BDH2: variants seen among roughly 807,000 people sequenced by gnomAD.
BDH2 encodes 3-hydroxybutyrate dehydrogenase 2, also known as dehydrogenase/reductase SDR family member 6.
In BDH2, 24 loss-of-function variants were observed where a neutral mutation model predicts 33.2. The ratio of observed to expected loss-of-function variants is 0.72; its 90% CI spans 0.52 to 1.02. BDH2 has a LOEUF of 1.02. BDH2 is among the 50% of genes least tolerant of loss of function. BDH2 has a pLI of 0.00. For synonymous variants in BDH2, 81 were observed against 101.6 expected (o/e 0.80, Z 1.22); for missense variants, 249 against 301.6 (o/e 0.83, Z 1.29).
intron 5 of BDH2, among the ~76,000 whole-genome samples, chr4:103,087,128 A>G (rs966476852): frequency 2.6e-5 from 4 of 152,164 alleles, no homozygotes; most frequent in African/African-American, 9.7e-5. Flanking sequence ...TTTGAACACT[A>G]GAGTATTAGT....
Position 103,078,106 on chromosome 4 carries a change from C to G in BDH2, c.*1596G>C, listed in dbSNP as rs1334418709. Among the ~76,000 whole-genome samples, 1 of 152,164 alleles carries G rather than the reference C, an allele frequency of 6.6e-6. No individual in the cohort carries two copies. Among genetic ancestry groups the G allele is most frequent in the Admixed American group, 6.6e-5 (1 of 15,266 alleles). Reference sequence around the variant, plus strand: ...TAGGAAAAAAGGCTAAGAATCACTGCACATTTATTGAGTATCTCAGTGTGC... The same window carrying G: ...TAGGAAAAAAGGCTAAGAATCACTGGACATTTATTGAGTATCTCAGTGTGC... On this transcript the variant is annotated 3_prime_UTR_variant, in exon 10 of 10. Transcript: ENST00000296424.
Position 103,082,074 on chromosome 4 carries a change from T to C in BDH2, c.684+7A>G, listed in dbSNP as rs769029222. ...GTAATGAACTCCTTGGGAAGAATAG[T>C]GCTTACTTCATCAGAAGCCAAATAC... On this transcript the variant is annotated splice_region_variant and intron_variant, in intron 9 of 9. Coordinates refer to ENST00000296424, the MANE Select transcript of BDH2 (RefSeq NM_020139.4). 1.2e-6 allele frequency: 2 copies of C among 1,611,820 alleles called. No individual in the cohort carries two copies. Among genetic ancestry groups the C allele is most frequent in the Non-Finnish European group, 1.7e-6 (2 of 1,177,914 alleles).
intron 8 of BDH2, 105 bp from the exon 9 acceptor site, chr4:103,082,278 C>T: frequency 1.1e-6 from 1 of 924,800 alleles, no homozygotes; most frequent in East Asian, 2.5e-5. Context: ...TGGCTTGCTG[C>T]CTTGATGAAT....
At chr4:103,088,867 A>G (rs1350980046) in intron 5 of BDH2, among the ~76,000 whole-genome samples, 2 of 152,198 alleles carry the variant, frequency 1.3e-5, no homozygotes, top group African/African-American at 4.8e-5. Context: ...GAGCACCTCT[A>G]TACGCTGAAG....
intron 2 of BDH2, 81 bp from the exon 3 acceptor site, chr4:103,095,362 T>A: frequency 9.8e-7 from 1 of 1,023,770 alleles, no homozygotes; most frequent in Non-Finnish European, 1.5e-6. Flanking sequence ...GTGGTCTTTT[T>A]CTCCTTTATC....
intron 3 of BDH2, among the ~76,000 whole-genome samples, chr4:103,093,554 AAT>A (rs1748211801): frequency 6.7e-6 from 1 of 148,654 alleles, no homozygotes; most frequent in South Asian, 2.1e-4. Context: ...TAATGTGCAT[AAT>A]ATATATTATA....
intron 2 of BDH2, among the ~76,000 whole-genome samples, chr4:103,095,866 A>G (rs1446064499): frequency 6.6e-6 from 1 of 152,218 alleles, no homozygotes; most frequent in Admixed American, 6.5e-5. Flanking sequence ...CAATTTCAGA[A>G]AGCTGTGTAA....
In BDH2 at chr4:103,083,448, T is replaced by C. The variant is rs529294706; in HGVS notation, c.533-519A>G. 8.5e-5 allele frequency among the ~76,000 whole-genome samples: 13 copies of C among 152,340 alleles called. No individual in the cohort carries two copies. The South Asian group carries it at 2.7e-3, about 32-fold the overall frequency. ...TTCAGGTGGCGCTAAATTTTTCTTA[T>C]CACCTTGCCTATTTTCATTGTTTCA... On this transcript the variant is annotated intron_variant, in intron 7 of 9. Transcript: ENST00000296424.
intron 4 of BDH2, chr4:103,091,611 A>G (rs1560573571): frequency 4.7e-6 from 2 of 427,354 alleles, no homozygotes; most frequent in Non-Finnish European, 9.2e-6. Context: ...TAGGCATGGT[A>G]GCACACACCT....
intron 1 of BDH2, chr4:103,098,986 C>T (rs1291088865): frequency 6.6e-6 from 1 of 152,086 alleles, no homozygotes; most frequent in East Asian, 1.9e-4. Flanking sequence ...TACTTTGATG[C>T]AATGAATTTT....
At chr4:103,081,942 A>G (rs1022877217) in intron 9 of BDH2, 139 bp downstream of exon 9, 3 of 621,506 alleles carry the variant, frequency 4.8e-6, no homozygotes, top group African/African-American at 3.7e-5. Flanking sequence ...AAATTAAATG[A>G]GAACTTATCC....
chr4:103,085,955 G>A, intron 6 of BDH2: 3 of 1,168,454 alleles, frequency 2.6e-6, no homozygotes, highest in Non-Finnish European at 3.2e-6. Flanking sequence ...TTGTACTGCT[G>A]TCCTTGTCCT....
intron 5 of BDH2, among the ~76,000 whole-genome samples, chr4:103,088,450 A>G (rs1459909433): frequency 6.6e-6 from 1 of 152,178 alleles, no homozygotes; most frequent in African/African-American, 2.4e-5. Context: ...TGCACTATCC[A>G]TTCAACCAAG....
At chr4:103,096,158 A>G (rs372808160) in intron 2 of BDH2, 25 bp downstream of exon 2, 1 of 1,576,006 alleles carries the variant, frequency 6.3e-7, no homozygotes, top group East Asian at 2.3e-5. Flanking sequence ...TAGGCAAACA[A>G]CAAAGATAGT....
intron 1 of BDH2, among the ~76,000 whole-genome samples, chr4:103,098,158 G>T (rs770367043): frequency 1.2e-4 from 19 of 152,180 alleles, no homozygotes; most frequent in Non-Finnish European, 2.4e-4. Flanking sequence ...TTAGGAGGCT[G>T]CTAGGGTTAT....
At chr4:103,082,043 T>G in intron 9 of BDH2, 38 bp downstream of exon 9, 2 of 1,541,984 alleles carry the variant, frequency 1.3e-6, no homozygotes, top group East Asian at 4.5e-5. Flanking sequence ...CCAAATGTGA[T>G]TGAGGGTAAT....
At chr4:103,095,619 G>GC (rs1328854499) in intron 2 of BDH2, among the ~76,000 whole-genome samples, 1 of 152,070 alleles carries the variant, frequency 6.6e-6, no homozygotes, top group African/African-American at 2.4e-5. Flanking sequence ...CTGAGTTTGA[G>GC]TTACTAAACT....
At chr4:103,090,539 C>T (rs547729841) in intron 5 of BDH2, among the ~76,000 whole-genome samples, 5 of 152,200 alleles carry the variant, frequency 3.3e-5, no homozygotes, top group African/African-American at 9.7e-5. Context: ...AGGGGCTCAA[C>T]GTCCAGGCTT....
At chr4:103,080,421 A>T (rs954484850) in intron 9 of BDH2, among the ~76,000 whole-genome samples, 1 of 152,226 alleles carries the variant, frequency 6.6e-6, no homozygotes, top group African/African-American at 2.4e-5. Flanking sequence ...GGCTGAAGTG[A>T]TCTTTTTGGT....
Sources: gnomAD v4.1 joint callset for allele counts (sites outside exome capture counted in the v4.1 genomes callset) on GRCh38, gnomAD v4.1.1 for gene constraint, MANE v1.5 for transcripts, NCBI Gene and HGNC (gene_info 2026-07-23, HGNC 2026-07-21) for gene names.